The following STX7 variants were observed in gnomAD, a reference collection of about 807,000 sequenced individuals.
STX7 encodes the protein syntaxin-7.
Under a neutral mutation model 39.6 loss-of-function variants are expected in STX7, and 34 were observed. That is an observed-to-expected ratio of 0.86 (90% CI 0.65 to 1.14). The LOEUF is 1.14. Among genes scored for constraint, STX7 ranks in the 50% most tolerant of loss-of-function variants. The probability of loss-of-function intolerance (pLI) is 0.00; values close to 1 mark genes in which losing one functional copy is unlikely to be tolerated. For missense variants in STX7, 284 were observed against 310.4 expected (o/e 0.92, Z 0.64); for synonymous variants, 119 against 99.1 (o/e 1.20, Z -1.19).
At position 132,460,703 on chromosome 6, in the gene STX7, GAATC is replaced by G. The variant is rs1774370338; in HGVS notation, c.*51_*54del. 2 of 1,272,462 alleles carry G rather than the reference GAATC, an allele frequency of 1.6e-6. No homozygotes were observed. Among genetic ancestry groups the G allele is most frequent in the African/African-American group, 1.5e-5 (1 of 66,662 alleles). The allele number at this position is 1,272,462 out of a possible 1,614,324, so 78.8% of individuals were successfully genotyped here. Reference sequence around the variant, plus strand: ...AATAATTAAAAAAACATGATTACAGGAATCTTCCTACATAATTTAGACAATGTAG... The same window carrying G: ...AATAATTAAAAAAACATGATTACAGGTTCCTACATAATTTAGACAATGTAG... On this transcript the variant is annotated 3_prime_UTR_variant, in exon 10 of 10. Coordinates refer to ENST00000367941, the MANE Select transcript of STX7 (RefSeq NM_003569.3).
intron 2 of STX7, among the ~76,000 whole-genome samples, chr6:132,497,215 A>G (rs2788940): frequency 0.78 from 118,507 of 152,088 alleles, 46,305 homozygotes; most frequent in Middle Eastern, 0.9. Flanking sequence ...AATAAATTGT[A>G]GTATGTTTAA....
chr6:132,470,330 A>G (rs1477421002), intron 6 of STX7, among the ~76,000 whole-genome samples: 1 of 152,132 alleles, frequency 6.6e-6, no homozygotes, highest in Non-Finnish European at 1.5e-5. Context: ...TAAACCTCAT[A>G]TAAGGGAATG....
chr6:132,510,972 G>A (rs1229794349), intron 1 of STX7, among the ~76,000 whole-genome samples: 2 of 152,118 alleles, frequency 1.3e-5, no homozygotes, highest in Non-Finnish European at 2.9e-5. Context: ...AATCTACCCT[G>A]GGCAAAGAAG....
intron 2 of STX7, among the ~76,000 whole-genome samples, chr6:132,503,210 T>C (rs1174691684): frequency 6.6e-6 from 1 of 152,242 alleles, no homozygotes; most frequent in Non-Finnish European, 1.5e-5. Context: ...CTTTATTTTA[T>C]TTAATGAAAT....
chr6:132,450,599 C>T lies in STX7; in HGVS notation c.*10159G>A, dbSNP rs1213399717. On this transcript the variant is annotated 3_prime_UTR_variant, in exon 10 of 10. Coordinates refer to ENST00000367941, the MANE Select transcript of STX7 (RefSeq NM_003569.3). Reference sequence around the variant, plus strand: ...GTCAACCAACATTTTCGGTAAAGGGCCAGAAATTTTAAAATTGAAAAATGC... The same window carrying T: ...GTCAACCAACATTTTCGGTAAAGGGTCAGAAATTTTAAAATTGAAAAATGC... 6.6e-6 allele frequency: 1 copy of T among 151,530 alleles called. No individual in the cohort carries two copies. Among genetic ancestry groups the T allele is most frequent in the Non-Finnish European group, 1.5e-5 (1 of 67,952 alleles). 9.4% of individuals were successfully genotyped at this position (151,530 alleles called of 1,614,324 possible).
chr6:132,503,069 C>A lies in STX7; in HGVS notation c.85+377G>T, dbSNP rs1414638275. On this transcript the variant is annotated intron_variant, in intron 2 of 9. Coordinates refer to ENST00000367941, the MANE Select transcript of STX7 (RefSeq NM_003569.3). Reference sequence around the variant, plus strand: ...CCAGTCAGATTTTATTTTTAATAAACTTTATGTTCCTTAAGCCCTTGGTAG... The same window carrying A: ...CCAGTCAGATTTTATTTTTAATAAAATTTATGTTCCTTAAGCCCTTGGTAG... 2.0e-5 allele frequency among the ~76,000 whole-genome samples: 3 copies of A among 152,134 alleles called. No individual in the cohort carries two copies. In the East Asian group the frequency reaches 5.8e-4, roughly 29 times the overall value.
chr6:132,455,649 C>T lies in STX7; in HGVS notation c.*5109G>A, dbSNP rs1250671018. The T allele has an allele frequency of 1.3e-5, 2 of 152,274 alleles. No individual in the cohort carries two copies. The highest frequency in any genetic ancestry group is 2.1e-4 in the South Asian group (1 of 4,824). The allele number at this position is 152,274 out of a possible 1,614,324, so 9.4% of individuals were successfully genotyped here. On this transcript the variant is annotated 3_prime_UTR_variant, in exon 10 of 10. Transcript: ENST00000367941. ...CTCTAAGCAATTAAGTGACCAACCT[C>T]TTAAAAACTTGCCAGAAGCTACAGT... is the stretch of plus-strand genomic sequence containing the variant.
At chr6:132,463,948 T>C (rs747106665) in intron 9 of STX7, 45 bp downstream of exon 9, 23 of 1,558,658 alleles carry the variant, frequency 1.5e-5, no homozygotes, top group African/African-American at 4.1e-5. Flanking sequence ...CACACACACA[T>C]ACGAAAAGGA....
intron 1 of STX7, among the ~76,000 whole-genome samples, chr6:132,505,739 TAAAAA>T (rs368964430): frequency 1.7e-5 from 1 of 60,422 alleles, no homozygotes; most frequent in Non-Finnish European, 3.1e-5. Context: ...CCAAGTCACT[TAAAAA>T]AAAAAAAAAA....
At position 132,451,623 on chromosome 6, in the gene STX7, A is replaced by G. The variant is rs1774138305; in HGVS notation, c.*9135T>C. Reference sequence around the variant, plus strand: ...ATGAAGGAGTTTTGGAATATCAGACATCAAAAGTCTAACAAAAAATACAAC... The same window carrying G: ...ATGAAGGAGTTTTGGAATATCAGACGTCAAAAGTCTAACAAAAAATACAAC... On this transcript the variant is annotated 3_prime_UTR_variant, in exon 10 of 10. Coordinates refer to ENST00000367941, the MANE Select transcript of STX7 (RefSeq NM_003569.3). 6.6e-6 allele frequency: 1 copy of G among 152,216 alleles called. No homozygotes were observed. The allele number at this position is 152,216 out of a possible 1,614,324, so 9.4% of individuals were successfully genotyped here.
Position 132,472,274 on chromosome 6 carries a change from C to T in STX7, c.249+8G>A. ...AATACATCAACAATGTGTCTTAAAG[C>T]TTGATACCTGTTCACTGGGGGTGGT... is the stretch of plus-strand genomic sequence containing the variant. On this transcript the variant is annotated splice_region_variant and intron_variant, in intron 4 of 9. Transcript: ENST00000367941. The T allele has an allele frequency of 6.2e-7, 1 of 1,608,010 alleles. No individual in the cohort carries two copies. The highest frequency in any genetic ancestry group is 8.5e-7 in the Non-Finnish European group (1 of 1,177,264).
chr6:132,489,094 C>T (rs557870048), intron 2 of STX7, among the ~76,000 whole-genome samples: 201 of 150,280 alleles, frequency 1.3e-3, no homozygotes, highest in African/African-American at 4.7e-3. Context: ...CCAAGCTACT[C>T]GAGAGGCTGA....
At chr6:132,511,692 C>T (rs1489425706) in intron 1 of STX7, among the ~76,000 whole-genome samples, 3 of 152,226 alleles carry the variant, frequency 2.0e-5, no homozygotes, top group African/African-American at 7.2e-5. Flanking sequence ...GCTCTTTCAT[C>T]ACTGACCTTT....
intron 8 of STX7, among the ~76,000 whole-genome samples, chr6:132,468,018 T>C (rs541307805): frequency 3.3e-5 from 5 of 152,328 alleles, no homozygotes; most frequent in African/African-American, 4.8e-5. Flanking sequence ...CAAGATGTCA[T>C]GCACAGTTAC....
intron 4 of STX7, 129 bp from the exon 5 acceptor site, chr6:132,471,729 C>G (rs1774728720): frequency 9.8e-7 from 1 of 1,016,802 alleles, no homozygotes; most frequent in Admixed American, 2.6e-5. Context: ...TACAGATTAA[C>G]TCTCAGTAAC....
rs113837073 is a variant in STX7, at chr6:132,447,517, C to T, written c.*13241G>A. The T allele has an allele frequency of 6.6e-6, 1 of 151,890 alleles. No individual in the cohort carries two copies. The highest frequency in any genetic ancestry group is 2.4e-5 in the African/African-American group (1 of 41,358). The allele number at this position is 151,890 out of a possible 1,614,324, so 9.4% of individuals were successfully genotyped here. ...TTGTTCTATTTACTTTTTTGCTGCT[C>T]GAGCTAAAAATTGAGTGACTTCAAA... On this transcript the variant is annotated 3_prime_UTR_variant, in exon 10 of 10. Transcript: ENST00000367941.
intron 2 of STX7, among the ~76,000 whole-genome samples, chr6:132,486,302 A>G (rs1775130173): frequency 6.6e-6 from 1 of 152,222 alleles, no homozygotes; most frequent in Non-Finnish European, 1.5e-5. Context: ...TATAAAGGAA[A>G]GCATTCTGTC....
intron 1 of STX7, among the ~76,000 whole-genome samples, chr6:132,510,142 G>T (rs1223764076): frequency 6.6e-6 from 1 of 152,224 alleles, no homozygotes; most frequent in Non-Finnish European, 1.5e-5. Context: ...TAGGTAGGAG[G>T]AATGAAGTCT....
chr6:132,477,178 T>G (rs1422154878), intron 2 of STX7, among the ~76,000 whole-genome samples: 1 of 152,150 alleles, frequency 6.6e-6, no homozygotes, highest in East Asian at 1.9e-4. Flanking sequence ...TTTTGCTTTT[T>G]GGGGGTTGAT....
Sources: gnomAD v4.1 joint callset for allele counts (sites outside exome capture counted in the v4.1 genomes callset) on GRCh38, gnomAD v4.1.1 for gene constraint, MANE v1.5 for transcripts, NCBI Gene and HGNC (gene_info 2026-07-23, HGNC 2026-07-21) for gene names.